Variants in GLYCTK observed in about 807,000 individuals in gnomAD.
The protein encoded by GLYCTK is glycerate kinase.
Under a neutral mutation model 24.8 loss-of-function variants are expected in GLYCTK, and 22 were observed. That is an observed-to-expected ratio of 0.89 (90% CI 0.63 to 1.27). The LOEUF is 1.27. Ranked by LOEUF, GLYCTK falls within the 50% of genes most tolerant of loss-of-function variation. GLYCTK has a pLI of 0.00. For synonymous variants in GLYCTK, 320 were observed against 297.2 expected, an observed-to-expected ratio of 1.08 and a Z score of -0.79; for missense variants, 684 against 686.7, an observed-to-expected ratio of 1.00 and a Z score of 0.04.
rs1049621923 is a variant in GLYCTK at position 52,291,813 on chromosome 3, C to A, written c.596C>A (p.Thr199Asn). 4 of 1,613,732 alleles carry A rather than the reference C, an allele frequency of 2.5e-6. No homozygotes were observed. Among genetic ancestry groups the A allele is most frequent in the African/African-American group, 1.3e-5 (1 of 74,930 alleles). The change falls in exon 4 of 5, where the codon ACT becomes AAT. Residue 199 changes from threonine to asparagine, a missense_variant. Thr to Asn is a moderately conservative substitution (Grantham distance 65). Transcript: ENST00000436784. ...ACACTGGAGGAGAAGCAGACACTCA[C>A]TAGACTGCTGGCAGCCCGTGGAGCC... ...PVTLEEKQTL[T>N]RLLAARGATI...
In GLYCTK at chr3:52,290,387, C is replaced by G; in HGVS notation, c.45C>G (p.Pro15=). The G allele has an allele frequency of 6.2e-7, 1 of 1,605,776 alleles. No individual in the cohort carries two copies. Among genetic ancestry groups the G allele is most frequent in the Non-Finnish European group, 8.5e-7 (1 of 1,179,846 alleles). ...LQVLPRLARA[P]LHPLLWRGSV... ...TCCTGCCCCGCTTGGCCCGAGCCCC[C>G]TTGCATCCACTCCTCTGGCGGGGCT... Residue 15 remains proline, a synonymous_variant, in exon 2 of 5, where the codon CCC becomes CCG. Coordinates refer to ENST00000436784, the MANE Select transcript of GLYCTK (RefSeq NM_145262.4).
At chr3:52,291,473 T>C in intron 3 of GLYCTK, 2 of 582,600 alleles carry the variant, frequency 3.4e-6, no homozygotes, top group Non-Finnish European at 6.1e-6. Context: ...CTCTCCTTGA[T>C]CTTCCATTGT....
chr3:52,290,660 G>A lies in GLYCTK; in HGVS notation c.318G>A (p.Val106=), dbSNP rs1469861567. 1.2e-6 allele frequency: 2 copies of A among 1,613,722 alleles called. No individual in the cohort carries two copies. Among genetic ancestry groups the A allele is most frequent in the Non-Finnish European group, 1.7e-6 (2 of 1,180,012 alleles). Residue 106 remains valine, a synonymous_variant, in exon 2 of 5, where the codon GTG becomes GTA. Coordinates refer to ENST00000436784, the MANE Select transcript of GLYCTK (RefSeq NM_145262.4). ...AAEELLGQHL[V]QGVISVPKGI... is the part of the protein sequence containing the mutation. ...AGGAACTACTGGGCCAGCATCTTGT[G>A]CAGGGCGTGATCAGCGTTCCCAAGG...
intron 3 of GLYCTK, 168 bp downstream of exon 3, chr3:52,291,279 C>T: frequency 1.3e-6 from 1 of 758,818 alleles, no homozygotes; most frequent in South Asian, 1.6e-5. Flanking sequence ...GGCTAGTCGT[C>T]TGGCCTCCCC....
Position 52,292,730 on chromosome 3 carries a change from G to A in GLYCTK, c.1176G>A (p.Leu392=), listed in dbSNP as rs144071976. 999 of 1,608,892 alleles carry A rather than the reference G, an allele frequency of 6.2e-4. 1 individual carries two copies. The highest frequency in any genetic ancestry group is 8.0e-4 in the Non-Finnish European group (943 of 1,177,230). ...CAGACCTGCAGCTGGAGGAGGCTCT[G>A]GAGACCATGGCATGGGGAAGGGGCC... ...QIPDLQLEEA[L]ETMAWGRGPV... is the part of the protein sequence containing the mutation. The change falls in exon 5 of 5, where the codon CTG becomes CTA. Residue 392 remains leucine, a synonymous_variant. Coordinates refer to ENST00000436784, the MANE Select transcript of GLYCTK (RefSeq NM_145262.4).
rs763134308 is a variant in GLYCTK, at chr3:52,294,001, C to T, written c.*875C>T. 1.2e-4 allele frequency: 52 copies of T among 427,304 alleles called. No individual in the cohort carries two copies. The highest frequency in any genetic ancestry group is 2.2e-4 in the Non-Finnish European group (46 of 210,094). 26.5% of individuals were successfully genotyped at this position (427,304 alleles called of 1,614,324 possible). A position where few individuals can be genotyped will look rare whatever the true frequency, so the allele number is the denominator to read the frequency against. On this transcript the variant is annotated 3_prime_UTR_variant, in exon 5 of 5. Transcript: ENST00000436784. The stretch of plus-strand genomic sequence containing the variant: ...GACCAAGTCCAGACCCTGAAGTCAG[C>T]CCTTCAGTGGGGGTCCCAGCACTGG...
chr3:52,292,813 G>A lies in GLYCTK; in HGVS notation c.1259G>A (p.Gly420Asp). Residue 420 changes from glycine to aspartate, a missense_variant, in exon 5 of 5, where the codon GGT becomes GAT. Transcript: ENST00000436784. ...PTVQLQGSGR[G>D]GRNQELALRV... ...GTACAGCTGCAGGGCTCGGGCAGGG[G>A]TGGCCGGAACCAGGAACTGGCCCTG... 1 of 1,612,670 alleles carries A rather than the reference G, an allele frequency of 6.2e-7. No homozygotes were observed. The highest frequency in any genetic ancestry group is 8.5e-7 in the Non-Finnish European group (1 of 1,179,564).
intron 1 of GLYCTK, chr3:52,288,614 C>T (rs1251241647): frequency 6.6e-6 from 1 of 152,166 alleles, no homozygotes; most frequent in Non-Finnish European, 1.5e-5. Context: ...ATTTGAAATT[C>T]AAATTTAACC....
Position 52,293,774 on chromosome 3 carries a change from A to T in GLYCTK, c.*648A>T, listed in dbSNP as rs1206391972. 4.4e-6 allele frequency: 2 copies of T among 453,558 alleles called. No individual in the cohort carries two copies. Among genetic ancestry groups the T allele is most frequent in the African/African-American group, 4.0e-5 (2 of 49,992 alleles). The allele number at this position is 453,558 out of a possible 1,614,324, so 28.1% of individuals were successfully genotyped here. A position where few individuals can be genotyped will look rare whatever the true frequency, so the allele number is the denominator to read the frequency against. Reference sequence around the variant, plus strand: ...CACCCACCCACCCAACCATGACTCCACCATGGCACTGTCACCATGGCTTCT... The same window carrying T: ...CACCCACCCACCCAACCATGACTCCTCCATGGCACTGTCACCATGGCTTCT... On this transcript the variant is annotated 3_prime_UTR_variant, in exon 5 of 5. Transcript: ENST00000436784.
In GLYCTK at chr3:52,292,181, C is replaced by T. The variant is rs371261626; in HGVS notation, c.706-79C>T. 6.9e-5 allele frequency: 108 copies of T among 1,573,984 alleles called. 1 individual carries two copies. The highest frequency in any genetic ancestry group is 5.1e-4 in the African/African-American group (38 of 74,390). On this transcript the variant is annotated intron_variant, in intron 4 of 4. Transcript: ENST00000436784. ...TGAGTTGGGGGAGGGTGTGTGGATA[C>T]CCTAGGGGCAGTTTGTCCTTATGGG...
At chr3:52,288,010 G>C (rs1425615418) in intron 1 of GLYCTK, 134 bp downstream of exon 1, 1 of 324,526 alleles carries the variant, frequency 3.1e-6, no homozygotes, top group African/African-American at 2.2e-5. Context: ...CCCTCGCTAA[G>C]GCCCTACCTT....
intron 1 of GLYCTK, chr3:52,289,961 A>T: frequency 3.7e-6 from 1 of 270,702 alleles, no homozygotes; most frequent in Non-Finnish European, 7.1e-6. Flanking sequence ...ATGGGAGCCC[A>T]CTGGTAGAAA....
chr3:52,292,101 C>G (rs557768373), intron 4 of GLYCTK, among the ~76,000 whole-genome samples, 159 bp from the exon 5 acceptor site: 105 of 152,208 alleles, frequency 6.9e-4, no homozygotes, highest in African/African-American at 2.5e-3. Context: ...GCCTGCATGA[C>G]CAGGTGTTTT....
intron 1 of GLYCTK, among the ~76,000 whole-genome samples, chr3:52,288,342 A>C (rs1214435665): frequency 6.6e-6 from 1 of 152,044 alleles, no homozygotes; most frequent in Non-Finnish European, 1.5e-5. Flanking sequence ...TCTCCCGAGT[A>C]GCTGGGATTA....
rs1483102406 is a variant in GLYCTK, at chr3:52,294,057, G to A, written c.*931G>A. On this transcript the variant is annotated 3_prime_UTR_variant, in exon 5 of 5. Transcript: ENST00000436784. ...TGGGTCCAGCCAGTGATGAGGTCCA[G>A]TGACCCACACCTCTTCCTGTGACCA... is the stretch of plus-strand genomic sequence containing the variant. 2.1e-6 allele frequency: 1 copy of A among 465,702 alleles called. No individual in the cohort carries two copies. The highest frequency in any genetic ancestry group is 6.5e-5 in the East Asian group (1 of 15,440). The allele number at this position is 465,702 out of a possible 1,614,324, so 28.8% of individuals were successfully genotyped here. A position where few individuals can be genotyped will look rare whatever the true frequency, so the allele number is the denominator to read the frequency against.
Position 52,293,174 on chromosome 3 carries a change from G to A in GLYCTK, c.*48G>A, listed in dbSNP as rs1476190043. 5 of 1,605,660 alleles carry A rather than the reference G, an allele frequency of 3.1e-6. No homozygotes were observed. Among genetic ancestry groups the A allele is most frequent in the South Asian group, 1.1e-5 (1 of 90,754 alleles). On this transcript the variant is annotated 3_prime_UTR_variant, in exon 5 of 5. Coordinates refer to ENST00000436784, the MANE Select transcript of GLYCTK (RefSeq NM_145262.4). The stretch of plus-strand genomic sequence containing the variant: ...GTTCAGAGGAGGCCTACAAGGGCAA[G>A]GTCAGATGGCAGAGCAAGGTTGGTC...
At position 52,292,518 on chromosome 3, in the gene GLYCTK, C is replaced by T. The variant is rs1315756478; in HGVS notation, c.964C>T (p.Gln322Ter). 3 of 1,613,766 alleles carry T rather than the reference C, an allele frequency of 1.9e-6. No homozygotes were observed. The highest frequency in any genetic ancestry group is 1.7e-5 in the Admixed American group (1 of 60,028). The change falls in exon 5 of 5, where the codon CAG (glutamine) becomes TAG (stop). Residue 322 changes from glutamine (Q) to a stop codon, truncating the protein, a stop_gained. Coordinates refer to ENST00000436784, the MANE Select transcript of GLYCTK (RefSeq NM_145262.4). LOFTEE classifies it low-confidence loss of function (END_TRUNC). ...NVLALAEAQR[Q>*]AEALGYQAVV... ...GCTGGCGCTAGCTGAGGCCCAGCGG[C>T]AGGCCGAGGCACTGGGCTACCAGGC...
chr3:52,292,504 C>A lies in GLYCTK; in HGVS notation c.950C>A (p.Ala317Asp), dbSNP rs1388890646. 2 of 1,613,700 alleles carry A rather than the reference C, an allele frequency of 1.2e-6. No individual in the cohort carries two copies. Among genetic ancestry groups the A allele is most frequent in the Non-Finnish European group, 1.7e-6 (2 of 1,179,980 alleles). The change falls in exon 5 of 5, where the codon GCT (alanine) becomes GAT (aspartate). Residue 317 changes from alanine to aspartate, a missense_variant. Transcript: ENST00000436784. Reference protein sequence around the residue: ...VIIGSNVLALAEAQRQAEALG... With the variant: ...VIIGSNVLALDEAQRQAEALG... ...ATTGGCTCTAATGTGCTGGCGCTAG[C>A]TGAGGCCCAGCGGCAGGCCGAGGCA...
chr3:52,292,043 G>A (rs1400171380), intron 4 of GLYCTK, 121 bp downstream of exon 4: 3 of 1,190,502 alleles, frequency 2.5e-6, no homozygotes, highest in Non-Finnish European at 3.6e-6. Context: ...AGACCATGGG[G>A]CCGGCTGGGT....
Sources: allele counts gnomAD v4.1 joint callset (sites outside exome capture counted in the v4.1 genomes callset), GRCh38; gene constraint gnomAD v4.1.1; transcripts MANE v1.5; gene names NCBI Gene and HGNC (gene_info 2026-07-23, HGNC 2026-07-21).